NAALADL2: variants seen among roughly 807,000 people sequenced by gnomAD.
NAALADL2 encodes N-acetylated alpha-linked acidic dipeptidase like 2, also known as inactive N-acetylated-alpha-linked acidic dipeptidase-like protein 2.
In NAALADL2, 76 loss-of-function variants were observed where a neutral mutation model predicts 87.2. The observed-to-expected ratio is 0.87, with a 90% CI of 0.72 to 1.05. The LOEUF is 1.05. Ranked by LOEUF, NAALADL2 falls within the 50% of genes least tolerant of loss-of-function variation. The pLI is 0.00. For synonymous variants in NAALADL2, 354 were observed against 331.0 expected, an observed-to-expected ratio of 1.07 and a Z score of -0.75; for missense variants, 1,089 against 945.8, an observed-to-expected ratio of 1.15 and a Z score of -1.99.
chr3:175,107,535 AAC>A (rs35188653), intron 2 of NAALADL2, among the ~76,000 whole-genome samples: 13 of 146,126 alleles, frequency 8.9e-5, no homozygotes, highest in Non-Finnish European at 1.7e-4. Context: ...CACACACACA[AAC>A]ACACACACAC....
chr3:175,201,827 C>T (rs777016973), intron 2 of NAALADL2, among the ~76,000 whole-genome samples: 15 of 150,032 alleles, frequency 1.0e-4, no homozygotes, highest in Admixed American at 2.7e-4. Context: ...AAAACTATTG[C>T]TATGTTGCTA....
At chr3:175,383,426 G>A (rs1768010879) in intron 5 of NAALADL2, among the ~76,000 whole-genome samples, 2 of 151,228 alleles carry the variant, frequency 1.3e-5, no homozygotes, top group Admixed American at 6.6e-5. Context: ...AGTTTTTTGT[G>A]ATGAGAACAT....
At chr3:175,452,232 TCTC>T (rs1560574151) in intron 6 of NAALADL2, among the ~76,000 whole-genome samples, 10 of 151,406 alleles carry the variant, frequency 6.6e-5, no homozygotes, top group African/African-American at 2.2e-4. Flanking sequence ...CTTCAGATTC[TCTC>T]TCTCTCTCTC....
At chr3:174,834,966 C>T (rs1723158685) in intron 3 of NAALADL2, among the ~76,000 whole-genome samples, 1 of 151,552 alleles carries the variant, frequency 6.6e-6, no homozygotes, top group South Asian at 2.1e-4. Context: ...TGTGAAATTT[C>T]TAGGATAGTC....
At chr3:175,309,926 A>C (rs1191080612) in intron 4 of NAALADL2, among the ~76,000 whole-genome samples, 1 of 152,122 alleles carries the variant, frequency 6.6e-6, no homozygotes, top group Non-Finnish European at 1.5e-5. Context: ...GTCTCTCTTA[A>C]TTGCTGGTTC....
chr3:174,830,565 C>A (rs913745927), intron 3 of NAALADL2, among the ~76,000 whole-genome samples: 1 of 151,540 alleles, frequency 6.6e-6, no homozygotes, highest in East Asian at 2.0e-4. Context: ...CAGCTTTGTT[C>A]TTTTGGCTTA....
At chr3:174,701,834 CA>C (rs1326083403) in intron 2 of NAALADL2, among the ~76,000 whole-genome samples, 1 of 152,072 alleles carries the variant, frequency 6.6e-6, no homozygotes, top group African/African-American at 2.4e-5. Context: ...TTTGTTTATT[CA>C]TTCATGTGTC....
chr3:174,743,177 G>A (rs1578752660), intron 3 of NAALADL2, among the ~76,000 whole-genome samples: 1 of 151,800 alleles, frequency 6.6e-6, no homozygotes, highest in East Asian at 1.9e-4. Flanking sequence ...TAGACTTGTT[G>A]GAATTAGAGT....
chr3:174,802,067 C>A (rs1018277310), intron 3 of NAALADL2, among the ~76,000 whole-genome samples: 2 of 151,930 alleles, frequency 1.3e-5, no homozygotes, highest in Admixed American at 6.6e-5. Context: ...TTTTAAAAAA[C>A]TTTTCTTTCA....
At chr3:174,570,024 A>G (rs1270136909) in intron 2 of NAALADL2, among the ~76,000 whole-genome samples, 3 of 151,556 alleles carry the variant, frequency 2.0e-5, no homozygotes, top group Non-Finnish European at 4.4e-5. Context: ...TTTTTCTTCA[A>G]CTCTGTGAGA....
At chr3:175,177,156 A>G (rs1735805834) in intron 2 of NAALADL2, among the ~76,000 whole-genome samples, 1 of 151,970 alleles carries the variant, frequency 6.6e-6, no homozygotes, top group South Asian at 2.1e-4. Flanking sequence ...CTTTCTCCCC[A>G]TATGCTCCAG....
At chr3:174,531,879 A>T (rs888979519) in intron 1 of NAALADL2, among the ~76,000 whole-genome samples, 27 of 152,198 alleles carry the variant, frequency 1.8e-4, no homozygotes, top group Non-Finnish European at 5.9e-5. Flanking sequence ...TATTTCTGTG[A>T]ACAAAATGAG....
chr3:174,723,816 G>A (rs183852890), intron 2 of NAALADL2, among the ~76,000 whole-genome samples: 1 of 147,028 alleles, frequency 6.8e-6, no homozygotes, highest in Non-Finnish European at 1.5e-5. Context: ...AACTATACTG[G>A]AGGTTTTTAG....
chr3:174,711,284 A>G (rs1730601743), intron 2 of NAALADL2, among the ~76,000 whole-genome samples: 1 of 152,222 alleles, frequency 6.6e-6, no homozygotes. Context: ...TGGAAGCCAC[A>G]TTTTGAGAAG....
At chr3:175,525,071 G>C in intron 9 of NAALADL2, among the ~76,000 whole-genome samples, 1 of 152,044 alleles carries the variant, frequency 6.6e-6, no homozygotes, top group East Asian at 1.9e-4. Context: ...AATTATTTAA[G>C]ATATAAAGTG....
chr3:174,584,398 G>A (rs970137965), intron 2 of NAALADL2, among the ~76,000 whole-genome samples: 1 of 152,190 alleles, frequency 6.6e-6, no homozygotes, highest in East Asian at 1.9e-4. Flanking sequence ...CCTTCTACAA[G>A]TGAAATCCCA....
At chr3:174,980,857 T>C (rs935942347) in intron 1 of NAALADL2, among the ~76,000 whole-genome samples, 18 of 152,290 alleles carry the variant, frequency 1.2e-4, no homozygotes. Context: ...ATTATTTATT[T>C]GAACAGTTCT....
chr3:175,653,135 T>G (rs529616785), intron 11 of NAALADL2, among the ~76,000 whole-genome samples: 14 of 151,926 alleles, frequency 9.2e-5, no homozygotes, highest in African/African-American at 2.9e-4. Flanking sequence ...CTGAGTAGGC[T>G]AAGGAGGAGG....
intron 1 of NAALADL2, among the ~76,000 whole-genome samples, chr3:174,879,923 A>G (rs1728986196): frequency 6.6e-6 from 1 of 152,064 alleles, no homozygotes; most frequent in South Asian, 2.1e-4. Context: ...AACACTTGAC[A>G]GTATTGGTTA....
Sources: allele counts gnomAD v4.1 joint callset (sites outside exome capture counted in the v4.1 genomes callset), GRCh38; gene constraint gnomAD v4.1.1; transcripts MANE v1.5; gene names NCBI Gene and HGNC (gene_info 2026-07-23, HGNC 2026-07-21).